The following KIZ variants were observed in gnomAD, a reference collection of about 807,000 sequenced individuals.
KIZ encodes centrosomal protein kizuna.
A neutral mutation model predicts 79.6 loss-of-function variants in KIZ; 68 were observed. The observed-to-expected ratio is 0.85, with a 90% CI of 0.70 to 1.05. The LOEUF is 1.05. Among genes scored for constraint, KIZ ranks in the 50% least tolerant of loss-of-function variants. KIZ has a pLI of 0.00. For synonymous variants in KIZ, 280 were observed against 281.8 expected (o/e 0.99, Z 0.06); for missense variants, 797 against 800.4 (o/e 1.00, Z 0.05).
chr20:21,224,926 A>G (rs1219123076), intron 9 of KIZ, among the ~76,000 whole-genome samples: 1 of 152,098 alleles, frequency 6.6e-6, no homozygotes, highest in Non-Finnish European at 1.5e-5. Flanking sequence ...CTCTTTATTC[A>G]GCATGTTTTC....
chr20:21,235,310 G>A (rs184538655), intron 11 of KIZ, among the ~76,000 whole-genome samples: 82 of 152,250 alleles, frequency 5.4e-4, no homozygotes, highest in African/African-American at 1.9e-3. Context: ...AATAGAATCC[G>A]ATGTTTATTG....
chr20:21,195,719 TTGGGAGC>T (rs2035314025), intron 6 of KIZ: 1 of 152,182 alleles, frequency 6.6e-6, no homozygotes, highest in African/African-American at 2.4e-5. Flanking sequence ...ATTTTAAAAA[TTGGGAGC>T]TGTTAAATAA....
intron 6 of KIZ, chr20:21,195,644 T>G (rs1230972698): frequency 6.6e-6 from 1 of 152,098 alleles, no homozygotes; most frequent in African/African-American, 2.4e-5. Context: ...CAGGCCTACC[T>G]TGGGCTGCAG....
At chr20:21,234,085 A>G (rs545944471) in intron 11 of KIZ, among the ~76,000 whole-genome samples, 1 of 152,358 alleles carries the variant, frequency 6.6e-6, no homozygotes, top group African/African-American at 2.4e-5. Context: ...TTAATAATAT[A>G]TAGAGGCACT....
intron 4 of KIZ, among the ~76,000 whole-genome samples, chr20:21,155,927 A>G (rs2033359880): frequency 6.6e-6 from 1 of 152,222 alleles, no homozygotes; most frequent in Non-Finnish European, 1.5e-5. Flanking sequence ...ATTTCCATAT[A>G]GAATTACTGA....
intron 6 of KIZ, among the ~76,000 whole-genome samples, chr20:21,177,728 C>A (rs544870220): frequency 6.6e-6 from 1 of 152,022 alleles, no homozygotes; most frequent in Non-Finnish European, 1.5e-5. Context: ...ATATTTAAAT[C>A]CTTAATTCAT....
intron 6 of KIZ, chr20:21,166,472 A>G (rs537580360): frequency 2.2e-5 from 35 of 1,576,842 alleles, no homozygotes; most frequent in Non-Finnish European, 2.9e-5. Flanking sequence ...ACCATGCTTC[A>G]TCATCACAAT....
In KIZ at chr20:21,126,142, GC is replaced by G; in HGVS notation, c.31del (p.Leu11CysfsTer44). On this transcript the variant is annotated frameshift_variant, in exon 1 of 13. Transcript: ENST00000619189. LOFTEE classifies it high-confidence loss of function. MSRTLASAV[P>X]LSSPDYYERL... ...TGAGCCGGACCCTCGCATCGGCCGT[GC>G]CCCTGTCGAGTCCCGACTACTACGA... 1 of 1,514,564 alleles carries G rather than the reference GC, an allele frequency of 6.6e-7. No individual in the cohort carries two copies. Among genetic ancestry groups the G allele is most frequent in the South Asian group, 1.2e-5 (1 of 80,988 alleles). The allele number at this position is 1,514,564 out of a possible 1,614,324, so 93.8% of individuals were successfully genotyped here. A position where few individuals can be genotyped will look rare whatever the true frequency, so the allele number is the denominator to read the frequency against.
intron 2 of KIZ, among the ~76,000 whole-genome samples, chr20:21,134,967 C>T (rs1226353645): frequency 1.3e-5 from 2 of 152,180 alleles, no homozygotes; most frequent in African/African-American, 4.8e-5. Context: ...ATGCCCGACC[C>T]ATCTTTCAGG....
In KIZ at chr20:21,224,434, A is replaced by G. The variant is rs1414931478; in HGVS notation, c.1679-4577A>G. Among the ~76,000 whole-genome samples the G allele has an allele frequency of 5.3e-5, 8 of 152,244 alleles. No homozygotes were observed. In the East Asian group the frequency reaches 1.2e-3, roughly 22 times the overall value. On this transcript the variant is annotated intron_variant, in intron 9 of 12. Coordinates refer to ENST00000619189, the MANE Select transcript of KIZ (RefSeq NM_018474.6). ...CAGTGTCAGCAACACACCTAGTACAATTTGAAAAAGCACTTAGGTGTAGAA... is the reference window on the plus strand; with the variant it reads ...CAGTGTCAGCAACACACCTAGTACAGTTTGAAAAAGCACTTAGGTGTAGAA...
chr20:21,187,457 T>C (rs1324406687), intron 6 of KIZ, among the ~76,000 whole-genome samples: 1 of 152,214 alleles, frequency 6.6e-6, no homozygotes, highest in Non-Finnish European at 1.5e-5. Flanking sequence ...GAGACTCACT[T>C]ATCCTAGAGA....
At chr20:21,137,808 A>G (rs1380992728) in intron 3 of KIZ, among the ~76,000 whole-genome samples, 1 of 152,148 alleles carries the variant, frequency 6.6e-6, no homozygotes, top group Non-Finnish European at 1.5e-5. Context: ...ACAGGGCCTT[A>G]CCATGTCATC....
At chr20:21,236,107 G>A (rs1249500468) in intron 11 of KIZ, among the ~76,000 whole-genome samples, 1 of 152,158 alleles carries the variant, frequency 6.6e-6, no homozygotes, top group Non-Finnish European at 1.5e-5. Flanking sequence ...GCCTACATAC[G>A]TTGTTTTTTC....
intron 3 of KIZ, among the ~76,000 whole-genome samples, 188 bp downstream of exon 3, chr20:21,136,740 C>G (rs1245352699): frequency 6.6e-6 from 1 of 151,690 alleles, no homozygotes; most frequent in African/African-American, 2.4e-5. Flanking sequence ...GTGTACCTCC[C>G]GAGTAGCTGG....
In KIZ at chr20:21,162,024, T is replaced by C; in HGVS notation, c.559T>C (p.Ser187Pro). The C allele has an allele frequency of 6.2e-7, 1 of 1,613,968 alleles. No homozygotes were observed. Among genetic ancestry groups the C allele is most frequent in the Non-Finnish European group, 8.5e-7 (1 of 1,179,878 alleles). The change falls in exon 5 of 13, where the codon TCA becomes CCA. Residue 187 changes from serine to proline, a missense_variant. By Grantham distance (74) the Ser-to-Pro change is moderately conservative. Coordinates refer to ENST00000619189, the MANE Select transcript of KIZ (RefSeq NM_018474.6). ...ATCTCCCCAGCCCACAAAGAACTTT[T>C]CAATTCCTGACCCACATTCACACCG... ...HKSPQPTKNF[S>P]IPDPHSHRQT...
chr20:21,235,889 T>C (rs975270286), intron 11 of KIZ, among the ~76,000 whole-genome samples: 4 of 152,202 alleles, frequency 2.6e-5, no homozygotes, highest in African/African-American at 4.8e-5. Context: ...GCATTTTCTG[T>C]CTTTGCCTGG....
intron 3 of KIZ, among the ~76,000 whole-genome samples, chr20:21,139,250 C>A (rs559850712): frequency 1.3e-5 from 2 of 152,156 alleles, no homozygotes; most frequent in East Asian, 3.9e-4. Flanking sequence ...TCTGAGCCTT[C>A]TTTGATCTGG....
intron 4 of KIZ, among the ~76,000 whole-genome samples, chr20:21,153,805 A>G (rs1217739540): frequency 6.6e-6 from 1 of 152,080 alleles, no homozygotes; most frequent in African/African-American, 2.4e-5. Flanking sequence ...CTGAGAGATC[A>G]TTGGTATCTC....
At chr20:21,166,974 A>G (rs984564802) in intron 6 of KIZ, among the ~76,000 whole-genome samples, 2 of 152,210 alleles carry the variant, frequency 1.3e-5, no homozygotes, top group Admixed American at 1.3e-4. Context: ...GAAAGACCAC[A>G]TGACAGGAAA....
Sources: gnomAD v4.1 joint callset for allele counts (sites outside exome capture counted in the v4.1 genomes callset) on GRCh38, gnomAD v4.1.1 for gene constraint, MANE v1.5 for transcripts, NCBI Gene and HGNC (gene_info 2026-07-23, HGNC 2026-07-21) for gene names.